Variants in EXOSC9 observed in about 807,000 individuals in gnomAD.
The protein encoded by EXOSC9 is exosome complex component RRP45.
In EXOSC9, 38 loss-of-function variants were observed where a neutral mutation model predicts 56.5. The ratio of observed to expected loss-of-function variants is 0.67; its 90% confidence interval spans 0.52 to 0.88. EXOSC9 has a LOEUF of 0.88. Ranked by LOEUF, EXOSC9 falls within the 40% of genes least tolerant of loss-of-function variation. EXOSC9 has a pLI of 0.00. For synonymous variants in EXOSC9, 170 were observed against 170.8 expected (o/e 0.99, Z 0.04); for missense variants, 559 against 530.5 (o/e 1.05, Z -0.53).
At chr4:121,813,620 ATAAC>A (rs1309915518) in intron 9 of EXOSC9, 1 of 537,284 alleles carries the variant, frequency 1.9e-6, no homozygotes, top group East Asian at 2.9e-5. Context: ...ATTTAGTACT[ATAAC>A]TAAAATGTTG....
At chr4:121,801,703 T>G (rs1726871473) in intron 1 of EXOSC9, 124 bp from the exon 2 acceptor site, 4 of 871,460 alleles carry the variant, frequency 4.6e-6, no homozygotes, top group African/African-American at 3.4e-5. Context: ...TCCACTTTCC[T>G]GTATGGGCGG....
At chr4:121,816,128 C>A (rs1320122386) in intron 10 of EXOSC9, 2 of 635,144 alleles carry the variant, frequency 3.1e-6, no homozygotes, top group African/African-American at 3.8e-5. Flanking sequence ...GCTAATTTTT[C>A]TATTATTTTT....
At chr4:121,803,997 G>A (rs958944520) in intron 4 of EXOSC9, among the ~76,000 whole-genome samples, 1 of 151,538 alleles carries the variant, frequency 6.6e-6, no homozygotes, top group Non-Finnish European at 1.5e-5. Flanking sequence ...TTTAATTTTT[G>A]AAAACTTTCA....
chr4:121,812,222 A>G (rs770063175), intron 8 of EXOSC9, among the ~76,000 whole-genome samples: 2 of 152,228 alleles, frequency 1.3e-5, no homozygotes, highest in Non-Finnish European at 2.9e-5. Flanking sequence ...TAAAGAGGAA[A>G]GACCCTCCTA....
intron 4 of EXOSC9, among the ~76,000 whole-genome samples, chr4:121,803,974 A>G (rs1330251390): frequency 2.0e-5 from 3 of 152,044 alleles, no homozygotes; most frequent in Admixed American, 2.0e-4. Context: ...CAAAACCTAA[A>G]AGTTTAATTT....
chr4:121,814,028 C>G lies in EXOSC9; in HGVS notation c.1137C>G (p.Val379=), dbSNP rs1724373436. The G allele has an allele frequency of 1.2e-6, 2 of 1,612,214 alleles. No homozygotes were observed. The highest frequency in any genetic ancestry group is 1.1e-5 in the South Asian group (1 of 90,946). The change falls in exon 10 of 12, where the codon GTC becomes GTG. Residue 379 remains valine, a synonymous_variant. Transcript: ENST00000243498. ...DGIKMDTGVE[V]SDIGSQDAPI... is the part of the protein sequence containing the mutation. Reference sequence around the variant, plus strand: ...TAAAAATGGACACTGGAGTAGAAGTCTCTGATATTGGAAGCCAAGGTAGGT... The same window carrying G: ...TAAAAATGGACACTGGAGTAGAAGTGTCTGATATTGGAAGCCAAGGTAGGT...
At chr4:121,807,480 AT>A in intron 5 of EXOSC9, 59 bp from the exon 6 acceptor site, 22 of 988,430 alleles carry the variant, frequency 2.2e-5, no homozygotes, top group South Asian at 6.2e-5. Flanking sequence ...GTGCAAGATG[AT>A]TTTTTTGGAT....
intron 2 of EXOSC9, 117 bp from the exon 3 acceptor site, chr4:121,802,557 T>A (rs1156928627): frequency 1.1e-6 from 1 of 904,430 alleles, no homozygotes; most frequent in Non-Finnish European, 1.7e-6. Flanking sequence ...TCTCCTATGA[T>A]TTATTTGGCT....
At position 121,816,535 on chromosome 4, in the gene EXOSC9, A is replaced by G. The variant is rs931078510; in HGVS notation, c.1235+88A>G. On this transcript the variant is annotated intron_variant, in intron 11 of 11. Coordinates refer to ENST00000243498, the MANE Select transcript of EXOSC9 (RefSeq NM_005033.3). Reference sequence around the variant, plus strand: ...TCTGGTTTTACTCTCATCTTGCCACATGACTATAAACAAAAAGACATCCCT... The same window carrying G: ...TCTGGTTTTACTCTCATCTTGCCACGTGACTATAAACAAAAAGACATCCCT... The G allele has an allele frequency of 8.4e-5, 77 of 913,174 alleles. No homozygotes were observed. In the African/African-American group the frequency reaches 1.2e-3, roughly 15 times the overall value. 56.6% of individuals were successfully genotyped at this position (913,174 alleles called of 1,614,324 possible).
rs1727215927 is a variant in EXOSC9 at position 121,811,654 on chromosome 4, G to A, written c.810G>A (p.Glu270=). 6.4e-6 allele frequency: 10 copies of A among 1,566,700 alleles called. No homozygotes were observed. The highest frequency in any genetic ancestry group is 1.8e-5 in the Admixed American group (1 of 55,248). The stretch of plus-strand genomic sequence containing the variant: ...CAGAGCTAATATTGAAAGCTTTGGA[G>A]AATGACCAAAAAGTAAGGTAAGTAA... ...EITELILKAL[E]NDQKVRKEGG... Residue 270 remains glutamate (E), a synonymous_variant, in exon 8 of 12, where the codon GAG becomes GAA. Transcript: ENST00000243498.
In EXOSC9 at chr4:121,811,588, GAGATGC is replaced by G; in HGVS notation, c.747_752del (p.Arg249_Cys250del). 1 of 1,571,574 alleles carries G rather than the reference GAGATGC, an allele frequency of 6.4e-7. No individual in the cohort carries two copies. The highest frequency in any genetic ancestry group is 8.7e-7 in the Non-Finnish European group (1 of 1,153,924). On this transcript the variant is annotated inframe_deletion, in exon 8 of 12. Transcript: ENST00000243498. The stretch of plus-strand genomic sequence containing the variant: ...GAATTCACTTTTATAAATAGGTTCT[GAGATGC>G]AGTAAAATCGCTGGTGTGAAAGTAG...
At chr4:121,804,240 C>T (rs959860543) in intron 4 of EXOSC9, among the ~76,000 whole-genome samples, 6 of 149,384 alleles carry the variant, frequency 4.0e-5, no homozygotes, top group Non-Finnish European at 7.4e-5. Flanking sequence ...TCTCGAACTC[C>T]TAGGCTAAAG....
intron 1 of EXOSC9, 62 bp downstream of exon 1, chr4:121,801,552 T>C: frequency 6.6e-7 from 1 of 1,508,026 alleles, no homozygotes. Flanking sequence ...AGGTGTGGAC[T>C]GATACCTGGC....
intron 6 of EXOSC9, among the ~76,000 whole-genome samples, chr4:121,808,709 CCTCT>C (rs753553006): frequency 1.3e-4 from 20 of 150,798 alleles, no homozygotes; most frequent in Non-Finnish European, 2.7e-4. Context: ...ACAAGGTCTC[CCTCT>C]GTCACCCAGG....
chr4:121,813,921 G>C lies in EXOSC9; in HGVS notation c.1030G>C (p.Glu344Gln), dbSNP rs1417587472. 6.2e-7 allele frequency: 1 copy of C among 1,612,960 alleles called. No individual in the cohort carries two copies. Among genetic ancestry groups the C allele is most frequent in the Admixed American group, 1.7e-5 (1 of 59,976 alleles). ...AACTGCCCAAATTGGAGAGGGAGTA[G>C]AAAACTCCTGGGGTGATCTTGAAGA... is the stretch of plus-strand genomic sequence containing the variant. ...PGTAQIGEGV[E>Q]NSWGDLEDSE... The change falls in exon 10 of 12, where the codon GAA becomes CAA. Residue 344 changes from glutamate (E) to glutamine (Q), a missense_variant. Glu to Gln is a conservative substitution (Grantham distance 29). Transcript: ENST00000243498.
chr4:121,809,974 T>G lies in EXOSC9; in HGVS notation c.613T>G (p.Leu205Val), dbSNP rs772166496. The stretch of plus-strand genomic sequence containing the variant: ...ATTTAACATTCATTTCAGAACATAT[T>G]TATTGGTGGATCCCAATGAACGAGA... ...SFAFFQQGTY[L>V]LVDPNEREER... is the part of the protein sequence containing the mutation. The change falls in exon 7 of 12, where the codon TTA becomes GTA. Residue 205 changes from leucine to valine, a missense_variant. Transcript: ENST00000243498. 14 of 1,614,030 alleles carry G rather than the reference T, an allele frequency of 8.7e-6. No individual in the cohort carries two copies. Among genetic ancestry groups the G allele is most frequent in the Non-Finnish European group, 1.1e-5 (13 of 1,179,988 alleles).
At chr4:121,809,825 C>T in intron 6 of EXOSC9, 142 bp from the exon 7 acceptor site, 1 of 821,716 alleles carries the variant, frequency 1.2e-6, no homozygotes, top group Non-Finnish European at 2.0e-6. Flanking sequence ...GTCTCTTTCC[C>T]CATTTCAGTG....
chr4:121,808,071 A>C (rs1727078109), intron 6 of EXOSC9, among the ~76,000 whole-genome samples: 2 of 152,198 alleles, frequency 1.3e-5, no homozygotes, highest in Admixed American at 1.3e-4. Context: ...GAGGAAAAAA[A>C]TCTAATGTTC....
chr4:121,802,033 A>C (rs1726884400), intron 2 of EXOSC9, 112 bp downstream of exon 2: 1 of 756,276 alleles, frequency 1.3e-6, no homozygotes, highest in Non-Finnish European at 2.2e-6. Context: ...TTCTTTGTTT[A>C]GCTGACAAAA....
Sources: allele counts gnomAD v4.1 joint callset (sites outside exome capture counted in the v4.1 genomes callset), GRCh38; gene constraint gnomAD v4.1.1; transcripts MANE v1.5; gene names NCBI Gene and HGNC (gene_info 2026-07-23, HGNC 2026-07-21).